VAMP3: variants seen among roughly 807,000 people sequenced by gnomAD.
VAMP3 encodes vesicle-associated membrane protein 3.
A neutral mutation model predicts 18.1 loss-of-function variants in VAMP3; 11 were observed. The ratio of observed to expected loss-of-function variants is 0.61; its 90% CI spans 0.38 to 1.00. The LOEUF is 1.00. Ranked by LOEUF, VAMP3 falls within the 50% of genes least tolerant of loss-of-function variation. VAMP3 has a pLI of 0.01. For synonymous variants in VAMP3, 49 were observed against 43.1 expected (o/e 1.14, Z -0.53); for missense variants, 122 against 127.3 (o/e 0.96, Z 0.20).
intron 3 of VAMP3, among the ~76,000 whole-genome samples, chr1:7,777,720 T>C (rs553565071): frequency 6.6e-6 from 1 of 152,012 alleles, no homozygotes; most frequent in Non-Finnish European, 1.5e-5. Context: ...AACAGAAGAG[T>C]AGAAAGCAGC....
intron 1 of VAMP3, 23 bp from the exon 2 acceptor site, chr1:7,773,419 G>T (rs1558352705): frequency 1.2e-5 from 19 of 1,605,216 alleles, no homozygotes; most frequent in Admixed American, 8.3e-5. Context: ...ATGTACTCAT[G>T]CTCATGCCTT....
rs756427638 is a variant in VAMP3 at position 7,771,354 on chromosome 1, G to T, written c.-30G>T. ...TTCGCTTCTCTGCTGACCCTCTCTC[G>T]TCGCCGCTGCCGCCGCCGCAGCTGC... On this transcript the variant is annotated 5_prime_UTR_variant, in exon 1 of 5. Transcript: ENST00000054666. 4 of 1,591,828 alleles carry T rather than the reference G, an allele frequency of 2.5e-6. No individual in the cohort carries two copies. The highest frequency in any genetic ancestry group is 3.4e-6 in the Non-Finnish European group (4 of 1,172,324).
rs1265445144 is a variant in VAMP3 at position 7,781,310 on chromosome 1, A to C, written c.*1665A>C. On this transcript the variant is annotated 3_prime_UTR_variant, in exon 5 of 5. Coordinates refer to ENST00000054666, the MANE Select transcript of VAMP3 (RefSeq NM_004781.4). ...ACCTTGGTACTCGCCCCTTGGCCAC[A>C]GTGCCCAGACCCATGTAACCCACTG... 3.3e-5 allele frequency: 5 copies of C among 152,886 alleles called. No individual in the cohort carries two copies. Among genetic ancestry groups the C allele is most frequent in the Admixed American group, 1.3e-4 (2 of 15,280 alleles). 9.5% of individuals were successfully genotyped at this position (152,886 alleles called of 1,614,324 possible). A position where few individuals can be genotyped will look rare whatever the true frequency, so the allele number is the denominator to read the frequency against.
Position 7,771,375 on chromosome 1 carries a change from G to C in VAMP3, c.-9G>C, listed in dbSNP as rs1261371058. 6.3e-7 allele frequency: 1 copy of C among 1,593,852 alleles called. No homozygotes were observed. The highest frequency in any genetic ancestry group is 8.5e-7 in the Non-Finnish European group (1 of 1,173,444). On this transcript the variant is annotated 5_prime_UTR_variant, in exon 1 of 5. Coordinates refer to ENST00000054666, the MANE Select transcript of VAMP3 (RefSeq NM_004781.4). Reference sequence around the variant, plus strand: ...TCTCGTCGCCGCTGCCGCCGCCGCAGCTGCCAAAATGTGAGTGACGCTACG... The same window carrying C: ...TCTCGTCGCCGCTGCCGCCGCCGCACCTGCCAAAATGTGAGTGACGCTACG...
chr1:7,773,288 CTT>C (rs1379860451), intron 1 of VAMP3, 152 bp from the exon 2 acceptor site: 2 of 619,606 alleles, frequency 3.2e-6, no homozygotes, highest in African/African-American at 3.8e-5. Context: ...GCAATTAAAA[CTT>C]TCGTTCATTG....
At chr1:7,778,097 T>C (rs780152955) in intron 3 of VAMP3, 21 bp from the exon 4 acceptor site, 1 of 1,612,894 alleles carries the variant, frequency 6.2e-7, no homozygotes, top group South Asian at 1.1e-5. Context: ...AAATGTGATA[T>C]GGACATATGT....
At chr1:7,773,288 C>A in intron 1 of VAMP3, 154 bp from the exon 2 acceptor site, 1 of 619,724 alleles carries the variant, frequency 1.6e-6, no homozygotes, top group Non-Finnish European at 2.8e-6. Context: ...GCAATTAAAA[C>A]TTTCGTTCAT....
intron 1 of VAMP3, 25 bp from the exon 2 acceptor site, chr1:7,773,417 A>C (rs1403299810): frequency 1.2e-6 from 2 of 1,602,782 alleles, no homozygotes; most frequent in African/African-American, 2.7e-5. Context: ...TAATGTACTC[A>C]TGCTCATGCC....
Position 7,778,533 on chromosome 1 carries a change from CA to C in VAMP3, c.283+376del, listed in dbSNP as rs888114639. On this transcript the variant is annotated intron_variant, in intron 4 of 4. Coordinates refer to ENST00000054666, the MANE Select transcript of VAMP3 (RefSeq NM_004781.4). ...TGGGTGACAGAGTGAGACCTTTTCT[CA>C]AAAAAAAAAAAGAAAGGTTCATTTA... Among the ~76,000 whole-genome samples, 169 of 136,224 alleles carry C rather than the reference CA, an allele frequency of 1.2e-3. No individual in the cohort carries two copies. In the Middle Eastern group the frequency reaches 0.019, roughly 15 times the overall value. 89.4% of individuals were successfully genotyped at this position (136,224 alleles called of 152,430 possible).
At chr1:7,779,036 A>C (rs1474978476) in intron 4 of VAMP3, among the ~76,000 whole-genome samples, 1 of 152,120 alleles carries the variant, frequency 6.6e-6, no homozygotes, top group Non-Finnish European at 1.5e-5. Flanking sequence ...TCTACTAAAA[A>C]TACAAAAAAT....
chr1:7,771,417 G>C, intron 1 of VAMP3, 32 bp downstream of exon 1: 1 of 1,549,090 alleles, frequency 6.5e-7, no homozygotes, highest in Non-Finnish European at 8.7e-7. Context: ...GGGCGGCTTC[G>C]GGCCCCGCAG....
chr1:7,771,923 C>A (rs1317892025), intron 1 of VAMP3, among the ~76,000 whole-genome samples: 1 of 152,228 alleles, frequency 6.6e-6, no homozygotes, highest in East Asian at 1.9e-4. Context: ...AGTGGTAAGA[C>A]TCAGAGAATG....
intron 4 of VAMP3, among the ~76,000 whole-genome samples, chr1:7,778,554 C>A (rs1327611298): frequency 1.3e-5 from 2 of 151,930 alleles, no homozygotes; most frequent in Non-Finnish European, 2.9e-5. Flanking sequence ...AAGAAAGGTT[C>A]ATTTATTCCA....
Position 7,781,419 on chromosome 1 carries a change from GT to G in VAMP3, c.*1777del, listed in dbSNP as rs2097057180. The G allele has an allele frequency of 6.6e-6, 1 of 152,388 alleles. No homozygotes were observed. Among genetic ancestry groups the G allele is most frequent in the Non-Finnish European group, 1.5e-5 (1 of 68,080 alleles). The allele number at this position is 152,388 out of a possible 1,614,324, so 9.4% of individuals were successfully genotyped here. A position where few individuals can be genotyped will look rare whatever the true frequency, so the allele number is the denominator to read the frequency against. ...CCCACTGTAATCACCTAAATAAAGTGTTTATAAACATGATTGTGGCACCTGT... is the reference window on the plus strand; with the variant it reads ...CCCACTGTAATCACCTAAATAAAGTGTTATAAACATGATTGTGGCACCTGT... On this transcript the variant is annotated 3_prime_UTR_variant, in exon 5 of 5. Coordinates refer to ENST00000054666, the MANE Select transcript of VAMP3 (RefSeq NM_004781.4).
chr1:7,780,226 G>A lies in VAMP3; in HGVS notation c.*581G>A, dbSNP rs1246099129. On this transcript the variant is annotated 3_prime_UTR_variant, in exon 5 of 5. Transcript: ENST00000054666. ...TGAAGATGTTTACATTGTTGTTATT[G>A]TTATGTATCACTTGCTAAAAATATT... 2.6e-5 allele frequency: 4 copies of A among 152,850 alleles called. No homozygotes were observed. Among genetic ancestry groups the A allele is most frequent in the African/African-American group, 9.7e-5 (4 of 41,432 alleles). 9.5% of individuals were successfully genotyped at this position (152,850 alleles called of 1,614,324 possible).
At chr1:7,777,460 C>A (rs1309119995) in intron 3 of VAMP3, 142 bp downstream of exon 3, 1 of 1,089,486 alleles carries the variant, frequency 9.2e-7, no homozygotes, top group Non-Finnish European at 1.3e-6. Context: ...CACTGTGAAT[C>A]CGAAACACTG....
rs148186025 is a variant in VAMP3 at position 7,773,373 on chromosome 1, C to T, written c.3-69C>T. The T allele has an allele frequency of 3.2e-4, 410 of 1,296,708 alleles. 5 individuals carry two copies. The Middle Eastern group carries it at 0.016, about 49-fold the overall frequency. 80.3% of individuals were successfully genotyped at this position (1,296,708 alleles called of 1,614,324 possible). A position where few individuals can be genotyped will look rare whatever the true frequency, so the allele number is the denominator to read the frequency against. On this transcript the variant is annotated intron_variant, in intron 1 of 4. Coordinates refer to ENST00000054666, the MANE Select transcript of VAMP3 (RefSeq NM_004781.4). ...GTTAACAGTGAGAGTCCCGGAGTAA[C>T]ATCTTTATACTTAAGAAAATGTATT...
At chr1:7,775,465 A>C (rs2097053880) in intron 2 of VAMP3, among the ~76,000 whole-genome samples, 1 of 152,092 alleles carries the variant, frequency 6.6e-6, no homozygotes, top group South Asian at 2.1e-4. Flanking sequence ...CTCCTGCCTC[A>C]GCCCCCAGAG....
intron 4 of VAMP3, 94 bp from the exon 5 acceptor site, chr1:7,779,532 A>C: frequency 6.4e-7 from 1 of 1,570,190 alleles, no homozygotes; most frequent in Non-Finnish European, 8.8e-7. Context: ...TTCTGATCAC[A>C]TTTAGACTGC....
Sources: allele counts gnomAD v4.1 joint callset (sites outside exome capture counted in the v4.1 genomes callset), GRCh38; gene constraint gnomAD v4.1.1; transcripts MANE v1.5; gene names NCBI Gene and HGNC (gene_info 2026-07-23, HGNC 2026-07-21).